ZNF292: variants seen among roughly 807,000 people sequenced by gnomAD.
ZNF292 encodes the protein zinc finger protein 292.
ZNF292 carries 26 observed loss-of-function variants against 217.9 expected under a neutral mutation model. That is an observed-to-expected ratio of 0.12 (90% CI 0.09 to 0.17). The LOEUF is 0.17. Among genes scored for constraint, ZNF292 ranks in the 10% least tolerant of loss-of-function variants. The pLI, the probability that ZNF292 is intolerant of heterozygous loss-of-function variation, is 1.00. For synonymous variants in ZNF292, 1,257 were observed against 1,124.1 expected (o/e 1.12, Z -2.37); for missense variants, 2,904 against 3,175.2 (o/e 0.91, Z 2.05).
chr6:87,233,567 T>A (rs1469923131), intron 5 of ZNF292, 40 bp downstream of exon 5: 1 of 1,575,216 alleles, frequency 6.3e-7, no homozygotes, highest in Non-Finnish European at 8.6e-7. Flanking sequence ...TTTTTTAAGT[T>A]GAGAAATTAA....
intron 5 of ZNF292, among the ~76,000 whole-genome samples, chr6:87,241,766 T>C (rs1774299489): frequency 6.6e-6 from 1 of 152,216 alleles, no homozygotes; most frequent in Non-Finnish European, 1.5e-5. Context: ...GATTTGTGGC[T>C]TAACCACTTA....
At chr6:87,201,577 G>T (rs888161368) in intron 1 of ZNF292, among the ~76,000 whole-genome samples, 10 of 152,004 alleles carry the variant, frequency 6.6e-5, no homozygotes, top group Non-Finnish European at 1.2e-4. Flanking sequence ...GCTAGTTTTT[G>T]TATTTTAGTA....
intron 4 of ZNF292, among the ~76,000 whole-genome samples, chr6:87,219,568 C>T (rs183171919): frequency 6.6e-6 from 1 of 152,246 alleles, no homozygotes; most frequent in East Asian, 1.9e-4. Context: ...TGCTTGTGAG[C>T]TCTTCTGGTA....
chr6:87,194,432 G>GTAAATT (rs1771901349), intron 1 of ZNF292, among the ~76,000 whole-genome samples: 1 of 152,094 alleles, frequency 6.6e-6, no homozygotes, highest in East Asian at 1.9e-4. Flanking sequence ...TTGAAAAAGA[G>GTAAATT]TAAATTCATA....
Position 87,256,341 on chromosome 6 carries a change from G to A in ZNF292, c.2712G>A (p.Gln904=), listed in dbSNP as rs750433783. 2 of 1,612,410 alleles carry A rather than the reference G, an allele frequency of 1.2e-6. No homozygotes were observed. Among genetic ancestry groups the A allele is most frequent in the Non-Finnish European group, 1.7e-6 (2 of 1,179,846 alleles). ...KAESAVTKQD[Q]ISASELRQAN... ...AATCAGCTGTGACCAAACAAGACCA[G>A]ATTTCTGCCTCTGAGCTCAGGCAAG... The change falls in exon 8 of 8, where the codon CAG becomes CAA. Residue 904 remains glutamine (Q), a synonymous_variant. Coordinates refer to ENST00000369577, the MANE Select transcript of ZNF292 (RefSeq NM_015021.3).
chr6:87,167,983 G>T (rs1400741229), intron 1 of ZNF292, among the ~76,000 whole-genome samples: 8 of 152,148 alleles, frequency 5.3e-5, no homozygotes, highest in African/African-American at 1.9e-4. Flanking sequence ...CACTCAGACT[G>T]TCATTGTCCA....
intron 1 of ZNF292, among the ~76,000 whole-genome samples, chr6:87,175,218 G>C (rs1329092443): frequency 6.6e-6 from 1 of 152,170 alleles, no homozygotes; most frequent in East Asian, 1.9e-4. Context: ...TCCTAAAAAA[G>C]GTTTTCCTTA....
At chr6:87,201,176 A>G (rs1308410286) in intron 1 of ZNF292, among the ~76,000 whole-genome samples, 5 of 152,304 alleles carry the variant, frequency 3.3e-5, no homozygotes, top group African/African-American at 1.2e-4. Context: ...TATTATGCAT[A>G]TGGCACTATG....
intron 1 of ZNF292, among the ~76,000 whole-genome samples, chr6:87,196,760 A>C (rs1241979174): frequency 6.6e-6 from 1 of 152,220 alleles, no homozygotes; most frequent in Non-Finnish European, 1.5e-5. Flanking sequence ...ACACACACAC[A>C]AAATCTTGAA....
intron 1 of ZNF292, among the ~76,000 whole-genome samples, chr6:87,187,788 T>C (rs1159861971): frequency 6.6e-6 from 1 of 151,788 alleles, no homozygotes; most frequent in Non-Finnish European, 1.5e-5. Context: ...TTAAAAGCTG[T>C]GTTTACTACT....
rs190611574 is a variant in ZNF292 at position 87,265,563 on chromosome 6, G to T, written c.*3762G>T. On this transcript the variant is annotated 3_prime_UTR_variant, in exon 8 of 8. Transcript: ENST00000369577. ...GCATGTTTGCATATTAAAGACAAAA[G>T]TTCTACTGTAAATATGTAAAAAGTT... Among the ~76,000 whole-genome samples the T allele has an allele frequency of 6.6e-6, 1 of 152,248 alleles. No individual in the cohort carries two copies. The highest frequency in any genetic ancestry group is 1.9e-4 in the East Asian group (1 of 5,172).
At chr6:87,158,214 AAT>A (rs1770609810) in intron 1 of ZNF292, among the ~76,000 whole-genome samples, 1 of 152,242 alleles carries the variant, frequency 6.6e-6, no homozygotes, top group African/African-American at 2.4e-5. Context: ...GTAAGCTCAG[AAT>A]AATTTAAATA....
chr6:87,175,732 G>T (rs1320483474), intron 1 of ZNF292, among the ~76,000 whole-genome samples: 1 of 152,168 alleles, frequency 6.6e-6, no homozygotes, highest in Non-Finnish European at 1.5e-5. Flanking sequence ...CTATTCATGT[G>T]CCTATACATT....
intron 1 of ZNF292, among the ~76,000 whole-genome samples, chr6:87,208,917 T>C (rs80036211): frequency 6.6e-6 from 1 of 152,332 alleles, no homozygotes; most frequent in Non-Finnish European, 1.5e-5. Context: ...AGTTGACTTA[T>C]TGCCCTGAAA....
At chr6:87,206,005 TGATA>T (rs1002796605) in intron 1 of ZNF292, among the ~76,000 whole-genome samples, 2 of 152,196 alleles carry the variant, frequency 1.3e-5, no homozygotes, top group Admixed American at 6.5e-5. Flanking sequence ...TTGGCTGGAC[TGATA>T]GATATGTTTC....
intron 1 of ZNF292, among the ~76,000 whole-genome samples, chr6:87,196,244 A>G (rs1476192690): frequency 1.3e-5 from 2 of 152,230 alleles, no homozygotes; most frequent in South Asian, 2.1e-4. Context: ...TTCCAAAGTC[A>G]TGAAGTATTT....
intron 1 of ZNF292, among the ~76,000 whole-genome samples, chr6:87,156,249 C>G (rs1770534941): frequency 6.6e-6 from 1 of 152,214 alleles, no homozygotes; most frequent in Admixed American, 6.5e-5. Context: ...CGGCCCTGTC[C>G]TGGCTGTCTC....
At chr6:87,191,460 T>A (rs895595239) in intron 1 of ZNF292, among the ~76,000 whole-genome samples, 5 of 152,192 alleles carry the variant, frequency 3.3e-5, no homozygotes, top group Non-Finnish European at 5.9e-5. Flanking sequence ...AAGATACCCT[T>A]ATATTAATAT....
chr6:87,230,246 A>G (rs9444484), intron 4 of ZNF292, among the ~76,000 whole-genome samples: 81,273 of 139,908 alleles, frequency 0.58, 23,362 homozygotes, highest in African/African-American at 0.77. Flanking sequence ...AAAGGAAATC[A>G]TGCAAATCTG....
Sources: allele counts gnomAD v4.1 joint callset (sites outside exome capture counted in the v4.1 genomes callset), GRCh38; gene constraint gnomAD v4.1.1; transcripts MANE v1.5; gene names NCBI Gene and HGNC (gene_info 2026-07-23, HGNC 2026-07-21).